The following PMS1 variants were observed in gnomAD, a reference collection of about 807,000 sequenced individuals.
PMS1 encodes the protein PMS1 homolog 1, mismatch repair system component.
PMS1 carries 79 observed loss-of-function variants against 93.1 expected under a neutral mutation model. The ratio of observed to expected loss-of-function variants is 0.85; its 90% CI spans 0.71 to 1.02. The LOEUF (loss-of-function observed/expected upper bound fraction) is 1.02. Ranked by LOEUF, PMS1 falls within the 50% of genes least tolerant of loss-of-function variation. PMS1 has a pLI of 0.00. For missense variants in PMS1, 1,064 were observed against 1,085.3 expected, an observed-to-expected ratio of 0.98 and a Z score of 0.28; for synonymous variants, 335 against 363.4, an observed-to-expected ratio of 0.92 and a Z score of 0.89.
At chr2:189,804,368 AT>A (rs1461954142) in intron 3 of PMS1, among the ~76,000 whole-genome samples, 1 of 152,192 alleles carries the variant, frequency 6.6e-6, no homozygotes, top group Admixed American at 6.5e-5. Flanking sequence ...AAATTACACC[AT>A]TTTTGAACCA....
intron 4 of PMS1, 66 bp from the exon 5 acceptor site, chr2:189,817,951 T>C: frequency 8.3e-7 from 1 of 1,203,922 alleles, no homozygotes; most frequent in Non-Finnish European, 1.2e-6. Flanking sequence ...ACAAATTGTA[T>C]ACGGATTTGA....
intron 9 of PMS1, among the ~76,000 whole-genome samples, chr2:189,862,952 C>T (rs1193223409): frequency 6.6e-6 from 1 of 152,128 alleles, no homozygotes; most frequent in Non-Finnish European, 1.5e-5. Flanking sequence ...GATTTTCTTT[C>T]TCAATTTTCA....
intron 2 of PMS1, among the ~76,000 whole-genome samples, chr2:189,792,699 A>ATATATATATATATG (rs1162726619): frequency 4.7e-5 from 6 of 127,330 alleles, no homozygotes; most frequent in African/African-American, 1.6e-4. Context: ...ATATATATAT[A>ATATATATATATATG]TATATATATA....
In PMS1 at chr2:189,854,429, C is replaced by A. The variant is rs2106460994; in HGVS notation, c.1157C>A (p.Ser386Ter). 1 of 1,607,636 alleles carries A rather than the reference C, an allele frequency of 6.2e-7. No homozygotes were observed. Among genetic ancestry groups the A allele is most frequent in the Non-Finnish European group, 8.5e-7 (1 of 1,175,420 alleles). ...SGKNYSNVDT[S>*]VIPFQNDMHN... is the part of the protein sequence containing the mutation. ...AAGAATTATTCAAATGTTGATACTT[C>A]AGTCATTCCATTCCAAAATGATATG... The change falls in exon 9 of 13, where the codon TCA (serine) becomes TAA (stop). Residue 386 changes from serine (S) to a stop codon, truncating the protein, a stop_gained. Transcript: ENST00000441310. LOFTEE classifies it high-confidence loss of function.
At chr2:189,824,265 C>T (rs1270910659) in intron 5 of PMS1, among the ~76,000 whole-genome samples, 1 of 151,954 alleles carries the variant, frequency 6.6e-6, no homozygotes, top group African/African-American at 2.4e-5. Context: ...GAGTGAAATA[C>T]AATACTGAAA....
At chr2:189,875,540 A>C (rs112466178) in intron 12 of PMS1, among the ~76,000 whole-genome samples, 2 of 152,130 alleles carry the variant, frequency 1.3e-5, no homozygotes, top group African/African-American at 4.8e-5. Flanking sequence ...ATTTGCCAGT[A>C]GTTAAAGAGT....
chr2:189,843,866 C>A, intron 5 of PMS1, 98 bp from the exon 6 acceptor site: 1 of 1,041,924 alleles, frequency 9.6e-7, no homozygotes, highest in Non-Finnish European at 1.5e-6. Context: ...AAATTTTAAG[C>A]TGAGGATGAA....
At position 189,854,578 on chromosome 2, in the gene PMS1, T is replaced by C; in HGVS notation, c.1306T>C (p.Phe436Leu). The C allele has an allele frequency of 3.1e-6, 5 of 1,613,670 alleles. No individual in the cohort carries two copies. The highest frequency in any genetic ancestry group is 4.2e-6 in the Non-Finnish European group (5 of 1,179,658). The change falls in exon 9 of 13, where the codon TTT becomes CTT. Residue 436 changes from phenylalanine to leucine, a missense_variant. Transcript: ENST00000441310. ...SNIDKNTKNA[F>L]QDISMSNVSW... ...CATTGATAAAAACACTAAGAATGCA[T>C]TTCAGGACATTTCAATGAGTAATGT...
At position 189,854,047 on chromosome 2, in the gene PMS1, A is replaced by T. The variant is rs1452420172; in HGVS notation, c.931A>T (p.Thr311Ser). The change falls in exon 8 of 13, where the codon ACA (threonine) becomes TCA (serine). Residue 311 changes from threonine (T) to serine (S), a missense_variant. Coordinates refer to ENST00000441310, the MANE Select transcript of PMS1 (RefSeq NM_000534.5). ...VPTADVDVNL[T>S]PDKSQVLLQN... ...TACAGCTGATGTTGATGTAAATTTA[A>T]CACCAGATAAAAGCCAAGTATTATT... The T allele has an allele frequency of 6.2e-7, 1 of 1,602,820 alleles. No homozygotes were observed. The highest frequency in any genetic ancestry group is 8.5e-7 in the Non-Finnish European group (1 of 1,174,136).
At chr2:189,797,317 C>T (rs1395872071) in intron 3 of PMS1, among the ~76,000 whole-genome samples, 2 of 152,158 alleles carry the variant, frequency 1.3e-5, no homozygotes, top group Non-Finnish European at 2.9e-5. Flanking sequence ...TCTATGAACT[C>T]CTGAGTTCAG....
Position 189,863,820 on chromosome 2 carries a change from T to C in PMS1, c.1934T>C (p.Met645Thr), listed in dbSNP as rs936024892. Residue 645 changes from methionine (M) to threonine (T), a missense_variant, in exon 10 of 13, where the codon ATG becomes ACG. Physicochemically the swap from Met to Thr is moderately conservative, Grantham distance 81 (BLOSUM62 -1). Coordinates refer to ENST00000441310, the MANE Select transcript of PMS1 (RefSeq NM_000534.5). ...AGAGCCATTGAACAGGAGTCACAAA[T>C]GTCACTAAAAGATGGCAGAAAAAAG... ...MKRAIEQESQ[M>T]SLKDGRKKIK... is the part of the protein sequence containing the mutation. 4 of 1,613,834 alleles carry C rather than the reference T, an allele frequency of 2.5e-6. No individual in the cohort carries two copies. In the African/African-American group the frequency reaches 5.3e-5, roughly 22 times the overall value.
At chr2:189,793,384 G>A (rs1466283019) in intron 2 of PMS1, among the ~76,000 whole-genome samples, 1 of 152,204 alleles carries the variant, frequency 6.6e-6, no homozygotes, top group African/African-American at 2.4e-5. Context: ...TGATGCTGAT[G>A]CTGGTGGGTT....
intron 10 of PMS1, among the ~76,000 whole-genome samples, chr2:189,866,469 T>C (rs1451966104): frequency 6.6e-6 from 1 of 152,200 alleles, no homozygotes; most frequent in East Asian, 1.9e-4. Context: ...TGTAAGTTTT[T>C]CAAAACTGAG....
Position 189,877,561 on chromosome 2 carries a change from A to C in PMS1, c.*125A>C. 1.5e-6 allele frequency: 1 copy of C among 670,620 alleles called. No homozygotes were observed. Among genetic ancestry groups the C allele is most frequent in the Non-Finnish European group, 2.5e-6 (1 of 392,600 alleles). 41.5% of individuals were successfully genotyped at this position (670,620 alleles called of 1,614,324 possible). ...TTATTTTTTAAATGAGGATTCACTG[A>C]CTTGTTTTTATATTGAAAAAAGTTC... On this transcript the variant is annotated 3_prime_UTR_variant, in exon 13 of 13. Coordinates refer to ENST00000441310, the MANE Select transcript of PMS1 (RefSeq NM_000534.5).
intron 12 of PMS1, 59 bp from the exon 13 acceptor site, chr2:189,877,210 GATA>G: frequency 7.4e-7 from 1 of 1,344,346 alleles, no homozygotes; most frequent in South Asian, 1.2e-5. Flanking sequence ...TTTTTGCCAG[GATA>G]ACATGTTTTC....
intron 5 of PMS1, among the ~76,000 whole-genome samples, chr2:189,843,135 A>G (rs563226304): frequency 6.6e-6 from 1 of 152,100 alleles, no homozygotes; most frequent in Non-Finnish European, 1.5e-5. Flanking sequence ...CTCCTGCCTC[A>G]GCCTCCCAAG....
rs571929498 is a variant in PMS1 at position 189,806,128 on chromosome 2, A to G, written c.418+374A>G. On this transcript the variant is annotated intron_variant, in intron 4 of 12. Coordinates refer to ENST00000441310, the MANE Select transcript of PMS1 (RefSeq NM_000534.5). ...GGTAATAGTGGAAATAAACGATACC[A>G]TCAAGATATGATTAAATAATTTAAA... 2.2e-4 allele frequency: 87 copies of G among 394,764 alleles called. 1 individual carries two copies. The East Asian group carries it at 3.6e-3, about 16-fold the overall frequency. The allele number at this position is 394,764 out of a possible 1,614,324, so 24.5% of individuals were successfully genotyped here.
At chr2:189,874,089 A>G (rs1006589458) in intron 12 of PMS1, among the ~76,000 whole-genome samples, 3 of 152,136 alleles carry the variant, frequency 2.0e-5, no homozygotes, top group South Asian at 2.1e-4. Context: ...TGTATTTGCA[A>G]GAAGAACACT....
chr2:189,840,889 G>T (rs2053766295), intron 5 of PMS1, among the ~76,000 whole-genome samples: 1 of 152,126 alleles, frequency 6.6e-6, no homozygotes, highest in Admixed American at 6.5e-5. Flanking sequence ...ATTTGAATAG[G>T]ATAAAAATAA....
Sources: gnomAD v4.1 joint callset for allele counts (sites outside exome capture counted in the v4.1 genomes callset) on GRCh38, gnomAD v4.1.1 for gene constraint, MANE v1.5 for transcripts, NCBI Gene and HGNC (gene_info 2026-07-23, HGNC 2026-07-21) for gene names.